UGT1A10: variants seen among roughly 807,000 people sequenced by gnomAD.
UGT1A10 encodes UDP-glucuronosyltransferase 1A10.
In UGT1A10, 49 loss-of-function variants were observed where a neutral mutation model predicts 45.8. The ratio of observed to expected loss-of-function variants is 1.07; its 90% CI spans 0.85 to 1.36. The LOEUF is 1.36. Among genes scored for constraint, UGT1A10 ranks in the 40% most tolerant of loss-of-function variants. The pLI, the probability that UGT1A10 is intolerant of heterozygous loss-of-function variation, is 0.00. For missense variants in UGT1A10, 745 were observed against 668.6 expected, an observed-to-expected ratio of 1.11 and a Z score of -1.26; for synonymous variants, 284 against 249.7, an observed-to-expected ratio of 1.14 and a Z score of -1.29.
Position 233,637,112 on chromosome 2 carries a change from T to C in UGT1A10, c.590T>C (p.Phe197Ser). The change falls in exon 1 of 5, where the codon TTC (phenylalanine) becomes TCC (serine). Residue 197 changes from phenylalanine to serine, a missense_variant. Coordinates refer to ENST00000344644, the MANE Select transcript of UGT1A10 (RefSeq NM_019075.4). Reference protein sequence around the residue: ...LSYVPNDLLGFSDAMTFKERV... With the variant: ...LSYVPNDLLGSSDAMTFKERV... ...TATGTCCCCAATGATCTCTTAGGGTTCTCAGATGCCATGACTTTCAAGGAG... is the reference window on the plus strand; with the variant it reads ...TATGTCCCCAATGATCTCTTAGGGTCCTCAGATGCCATGACTTTCAAGGAG... The C allele has an allele frequency of 6.2e-7, 1 of 1,613,976 alleles. No individual in the cohort carries two copies. The highest frequency in any genetic ancestry group is 8.5e-7 in the Non-Finnish European group (1 of 1,179,870).
chr2:233,742,570 A>C (rs1348152988), intron 1 of UGT1A10, among the ~76,000 whole-genome samples: 2 of 151,766 alleles, frequency 1.3e-5, no homozygotes, highest in Non-Finnish European at 2.9e-5. Flanking sequence ...TTCTGGCCGG[A>C]ATTGGGGGCT....
rs898265235 is a variant in UGT1A10 at position 233,646,972 on chromosome 2, G to A, written c.855+9595G>A. Among the ~76,000 whole-genome samples, 8 of 152,298 alleles carry A rather than the reference G, an allele frequency of 5.3e-5. No individual in the cohort carries two copies. The South Asian group carries it at 8.3e-4, about 16-fold the overall frequency. On this transcript the variant is annotated intron_variant, in intron 1 of 4. Transcript: ENST00000344644. ...GACTAAGGAATTTACAAAAGACAGA[G>A]GTTTAATTGACTTAGAGTTCCACAT...
intron 4 of UGT1A10, among the ~76,000 whole-genome samples, chr2:233,768,657 G>A (rs1265555530): frequency 7.1e-6 from 1 of 141,016 alleles, no homozygotes; most frequent in East Asian, 2.1e-4. Context: ...TGCAATCTTG[G>A]CTTACTGCAA....
intron 1 of UGT1A10, among the ~76,000 whole-genome samples, chr2:233,704,256 C>CTTT (rs59925871): frequency 0.31 from 38,668 of 122,898 alleles, 6,586 homozygotes; most frequent in African/African-American, 0.43. Flanking sequence ...GCCTTTATTG[C>CTTT]TTTTTTTTTT....
Position 233,729,631 on chromosome 2 carries a change from A to G in UGT1A10, c.856-37403A>G, listed in dbSNP as rs141036072. The stretch of plus-strand genomic sequence containing the variant: ...GCTGGCTAAGTACCTGTCGATTCCT[A>G]CTGTGTTTTTTTTGAGGAACATTCC... On this transcript the variant is annotated intron_variant, in intron 1 of 4. Coordinates refer to ENST00000344644, the MANE Select transcript of UGT1A10 (RefSeq NM_019075.4). 1,000 of 1,613,764 alleles carry G rather than the reference A, an allele frequency of 6.2e-4. 4 individuals are homozygous for G. The highest frequency in any genetic ancestry group is 6.0e-4 in the Non-Finnish European group (708 of 1,179,854).
In UGT1A10 at chr2:233,760,964, T is replaced by C. The variant is rs1355767569; in HGVS notation, c.856-6070T>C. ...TCACAGAACTTTCTGTGCGACGTGGTTTATTCCCCGTATGCAACCCTTGCC... is the reference window on the plus strand; with the variant it reads ...TCACAGAACTTTCTGTGCGACGTGGCTTATTCCCCGTATGCAACCCTTGCC... On this transcript the variant is annotated intron_variant, in intron 1 of 4. Coordinates refer to ENST00000344644, the MANE Select transcript of UGT1A10 (RefSeq NM_019075.4). The C allele has an allele frequency of 6.2e-7, 1 of 1,614,182 alleles. No individual in the cohort carries two copies. Among genetic ancestry groups the C allele is most frequent in the East Asian group, 2.2e-5 (1 of 44,880 alleles).
intron 1 of UGT1A10, among the ~76,000 whole-genome samples, chr2:233,737,818 G>C (rs554188879): frequency 2.0e-5 from 3 of 152,134 alleles, no homozygotes; most frequent in South Asian, 2.1e-4. Flanking sequence ...CAGTGGAGCA[G>C]AACAAATTGG....
chr2:233,650,159 A>G (rs1193246928), intron 1 of UGT1A10, among the ~76,000 whole-genome samples: 2 of 152,100 alleles, frequency 1.3e-5, no homozygotes, highest in East Asian at 3.9e-4. Context: ...TAGTAGAGGC[A>G]GGGTTTCTCC....
chr2:233,740,827 A>T lies in UGT1A10; in HGVS notation c.856-26207A>T, dbSNP rs887567904. On this transcript the variant is annotated intron_variant, in intron 1 of 4. Transcript: ENST00000344644. ...AGCACTGTTCTGTTTTTGAGCTGAGACATTTTAAAAGGAGATTTTTCAATT... is the reference window on the plus strand; with the variant it reads ...AGCACTGTTCTGTTTTTGAGCTGAGTCATTTTAAAAGGAGATTTTTCAATT... The T allele has an allele frequency of 9.9e-5, 15 of 151,890 alleles. 1 individual carries two copies. Among genetic ancestry groups the T allele is most frequent in the African/African-American group, 3.6e-4 (15 of 41,128 alleles). 9.4% of individuals were successfully genotyped at this position (151,890 alleles called of 1,614,324 possible).
At chr2:233,729,707 T>C (rs2125746901) in intron 1 of UGT1A10, 1 of 1,613,988 alleles carries the variant, frequency 6.2e-7, no homozygotes, top group Non-Finnish European at 8.5e-7. Flanking sequence ...TCCTCCTATA[T>C]TCCTAGATTA....
chr2:233,724,260 C>T (rs1481062069), intron 1 of UGT1A10, among the ~76,000 whole-genome samples: 12 of 129,940 alleles, frequency 9.2e-5, no homozygotes, highest in East Asian at 4.9e-4. Context: ...CCTCACCTCC[C>T]GGACGGGGCG....
intron 1 of UGT1A10, chr2:233,747,618 G>A (rs1433302665): frequency 1.3e-5 from 21 of 1,574,996 alleles, no homozygotes; most frequent in Middle Eastern, 1.7e-4. Flanking sequence ...GCATAATGAG[G>A]CCCTGATCAG....
rs139116240 is a variant in UGT1A10, at chr2:233,744,094, T to C, written c.856-22940T>C. 9.0e-3 allele frequency: 3,757 copies of C among 416,138 alleles called. 139 individuals carry two copies. The highest frequency in any genetic ancestry group is 0.069 in the Admixed American group (1,831 of 26,694). The allele number at this position is 416,138 out of a possible 1,614,324, so 25.8% of individuals were successfully genotyped here. ...GCCTCGCATCCCAAGATGCAGTGCT[T>C]CTGGGACTGGCCCTGCTCTCTGTGA... On this transcript the variant is annotated intron_variant, in intron 1 of 4. Coordinates refer to ENST00000344644, the MANE Select transcript of UGT1A10 (RefSeq NM_019075.4).
At chr2:233,704,889 T>G (rs2075811828) in intron 1 of UGT1A10, among the ~76,000 whole-genome samples, 1 of 152,064 alleles carries the variant, frequency 6.6e-6, no homozygotes, top group South Asian at 2.1e-4. Flanking sequence ...ATCCCAGCAC[T>G]TTGGAAGGCT....
chr2:233,746,855 T>A (rs1362666040), intron 1 of UGT1A10, among the ~76,000 whole-genome samples: 2 of 151,774 alleles, frequency 1.3e-5, no homozygotes, highest in Non-Finnish European at 2.9e-5. Flanking sequence ...AGACCTCAGC[T>A]GCAGCCTGAT....
At chr2:233,692,896 A>G (rs1434952658) in intron 1 of UGT1A10, 1 of 1,536,264 alleles carries the variant, frequency 6.5e-7, no homozygotes, top group Non-Finnish European at 8.7e-7. Context: ...AGGGAGAGGT[A>G]GACAGGACCT....
At chr2:233,720,878 T>TTG (rs1425776914) in intron 1 of UGT1A10, among the ~76,000 whole-genome samples, 1 of 150,714 alleles carries the variant, frequency 6.6e-6, no homozygotes, top group African/African-American at 2.4e-5. Context: ...GCAATTTTTT[T>TTG]TTTTTTTTTT....
At position 233,714,698 on chromosome 2, in the gene UGT1A10, T is replaced by G. The variant is rs28899185; in HGVS notation, c.856-52336T>G. On this transcript the variant is annotated intron_variant, in intron 1 of 4. Transcript: ENST00000344644. ...AATATTATCCTTTCAACATGTGAAC[T>G]GTTTAACGTAGCTTTTTTTGTTGTT... 4.8e-3 allele frequency among the ~76,000 whole-genome samples: 731 copies of G among 152,338 alleles called. 10 individuals are homozygous for G. The highest frequency in any genetic ancestry group is 0.017 in the African/African-American group (696 of 41,576).
intron 1 of UGT1A10, among the ~76,000 whole-genome samples, chr2:233,686,249 AT>A (rs142649436): frequency 0.08 from 11,961 of 149,536 alleles, 627 homozygotes; most frequent in Non-Finnish European, 0.12. Flanking sequence ...GGTTTCTGAG[AT>A]TTTTTTTTTT....
Sources: gnomAD v4.1 joint callset for allele counts (sites outside exome capture counted in the v4.1 genomes callset) on GRCh38, gnomAD v4.1.1 for gene constraint, MANE v1.5 for transcripts, NCBI Gene and HGNC (gene_info 2026-07-23, HGNC 2026-07-21) for gene names.